Variants in PEX14 observed in about 807,000 individuals in gnomAD.
PEX14 encodes the protein peroxisomal membrane protein PEX14.
Under a neutral mutation model 49.5 loss-of-function variants are expected in PEX14, and 15 were observed. The ratio of observed to expected loss-of-function variants is 0.30; its 90% CI spans 0.20 to 0.47. The LOEUF (loss-of-function observed/expected upper bound fraction) is 0.47, where lower values mean the gene tolerates loss of function less well. Among genes scored for constraint, PEX14 ranks in the 20% least tolerant of loss-of-function variants. The probability of loss-of-function intolerance (pLI) is 1.00; values close to 1 mark genes in which losing one functional copy is unlikely to be tolerated. For synonymous variants in PEX14, 210 were observed against 212.7 expected (o/e 0.99, Z 0.11); for missense variants, 398 against 494.8 (o/e 0.80, Z 1.86).
chr1:10,481,118 TTTTTTTTTTTTCCTTTCCTTCC>T (rs1391518451), intron 1 of PEX14, among the ~76,000 whole-genome samples: 1 of 128,678 alleles, frequency 7.8e-6, no homozygotes, highest in Non-Finnish European at 1.6e-5. Context: ...CTCTTTAGTC[TTTTTTTTTTTTCCTTTCCTTCC>T]TTTTTTTTTT....
chr1:10,549,335 A>T (rs1225465624), intron 3 of PEX14, among the ~76,000 whole-genome samples: 2 of 152,268 alleles, frequency 1.3e-5, no homozygotes, highest in Non-Finnish European at 2.9e-5. Flanking sequence ...TTTATAAGTC[A>T]CACGCGGAAT....
At chr1:10,593,196 C>T (rs1231450943) in intron 3 of PEX14, among the ~76,000 whole-genome samples, 11 of 152,104 alleles carry the variant, frequency 7.2e-5, no homozygotes, top group Non-Finnish European at 1.5e-5. Context: ...TTATGGTTCA[C>T]TGGGATAAGG....
intron 3 of PEX14, among the ~76,000 whole-genome samples, chr1:10,560,121 G>A (rs1639611490): frequency 6.6e-6 from 1 of 151,590 alleles, no homozygotes; most frequent in Admixed American, 6.6e-5. Flanking sequence ...GCAATGGCAC[G>A]ATCTTGGCTC....
intron 3 of PEX14, among the ~76,000 whole-genome samples, chr1:10,581,588 G>C (rs947505957): frequency 5.3e-5 from 8 of 151,824 alleles, no homozygotes; most frequent in African/African-American, 1.9e-4. Flanking sequence ...ACAGGCGTGA[G>C]CCACCGTGCC....
intron 3 of PEX14, among the ~76,000 whole-genome samples, chr1:10,590,204 C>T (rs920089434): frequency 6.6e-6 from 1 of 152,118 alleles, no homozygotes; most frequent in Non-Finnish European, 1.5e-5. Flanking sequence ...CGTGAGCCTG[C>T]AAACAGAACC....
intron 2 of PEX14, among the ~76,000 whole-genome samples, chr1:10,532,402 G>C (rs1638675456): frequency 6.6e-6 from 1 of 152,064 alleles, no homozygotes; most frequent in South Asian, 2.1e-4. Context: ...CAGAGGGATG[G>C]GGGGCGGGGA....
At chr1:10,599,400 G>A (rs1570330105) in intron 4 of PEX14, 34 bp downstream of exon 4, 10 of 1,613,324 alleles carry the variant, frequency 6.2e-6, no homozygotes, top group Non-Finnish European at 7.6e-6. Flanking sequence ...GCTTAACCTT[G>A]ATTGGGATTC....
At chr1:10,585,117 T>C (rs979053855) in intron 3 of PEX14, among the ~76,000 whole-genome samples, 5 of 152,182 alleles carry the variant, frequency 3.3e-5, no homozygotes, top group African/African-American at 9.7e-5. Context: ...TCACCCTTAA[T>C]TGAGGATCTC....
At chr1:10,598,184 G>A (rs1197757287) in intron 3 of PEX14, among the ~76,000 whole-genome samples, 2 of 152,190 alleles carry the variant, frequency 1.3e-5, no homozygotes, top group East Asian at 1.9e-4. Context: ...AGGGCTGGCC[G>A]AGTGGTCTTT....
chr1:10,501,786 C>T (rs1641685690), intron 2 of PEX14, among the ~76,000 whole-genome samples: 3 of 152,048 alleles, frequency 2.0e-5, no homozygotes, highest in Non-Finnish European at 2.9e-5. Context: ...GATGTGGTGG[C>T]GAGTGCCTGT....
chr1:10,578,006 A>G (rs1640200918), intron 3 of PEX14, among the ~76,000 whole-genome samples: 3 of 151,960 alleles, frequency 2.0e-5, no homozygotes, highest in Admixed American at 6.6e-5. Flanking sequence ...TCCCCAATCC[A>G]TCAGGTGCTA....
rs1476707908 is a variant in PEX14, at chr1:10,597,201, C to A, written c.170-2037C>A. On this transcript the variant is annotated intron_variant, in intron 3 of 8. Coordinates refer to ENST00000356607, the MANE Select transcript of PEX14 (RefSeq NM_004565.3). The surrounding 1 kb of genome is among the most constrained non-coding windows in gnomAD (Gnocchi z 5.7). ...ATGCTCCTTTTGGGAAAATTATCTT[C>A]ATTTGCAGCCAGCGGCTGACAAGGC... Among the ~76,000 whole-genome samples the A allele has an allele frequency of 6.6e-6, 1 of 152,248 alleles. No homozygotes were observed. The highest frequency in any genetic ancestry group is 1.5e-5 in the Non-Finnish European group (1 of 68,050).
Position 10,507,792 on chromosome 1 carries a change from C to G in PEX14, c.84+12471C>G, listed in dbSNP as rs142169005. Among the ~76,000 whole-genome samples, 7 of 152,320 alleles carry G rather than the reference C, an allele frequency of 4.6e-5. No homozygotes were observed. The East Asian group carries it at 1.2e-3, about 25-fold the overall frequency. ...CCAGGATCTTTTATTTCTACTTTCT[C>G]TGCCCCCTCAGGTAAATCCTTTATC... On this transcript the variant is annotated intron_variant, in intron 2 of 8. Transcript: ENST00000356607.
chr1:10,549,321 C>T (rs187767829), intron 3 of PEX14, among the ~76,000 whole-genome samples: 49 of 152,300 alleles, frequency 3.2e-4, no homozygotes, highest in Admixed American at 1.9e-3. Context: ...ATACTCTCCC[C>T]AGCTTTATAA....
rs927988208 is a variant in PEX14 at position 10,514,579 on chromosome 1, C to T, written c.84+19258C>T. On this transcript the variant is annotated intron_variant, in intron 2 of 8. Transcript: ENST00000356607. The surrounding 1 kb of genome is among the most constrained non-coding windows in gnomAD (Gnocchi z 4.4). The stretch of plus-strand genomic sequence containing the variant: ...CAAGGGAAAGCCATTGGGGAATGCT[C>T]AGTTGGGATTGAACTAATAGGCCAT... Among the ~76,000 whole-genome samples, 1 of 152,246 alleles carries T rather than the reference C, an allele frequency of 6.6e-6. No homozygotes were observed. The highest frequency in any genetic ancestry group is 1.9e-4 in the East Asian group (1 of 5,178).
intron 1 of PEX14, among the ~76,000 whole-genome samples, chr1:10,479,483 A>G (rs1641248930): frequency 6.6e-6 from 1 of 152,194 alleles, no homozygotes; most frequent in South Asian, 2.1e-4. Flanking sequence ...TCTAGTGTGT[A>G]CACGTTGGAG....
At chr1:10,553,745 C>T (rs1488551497) in intron 3 of PEX14, among the ~76,000 whole-genome samples, 1 of 152,198 alleles carries the variant, frequency 6.6e-6, no homozygotes, top group Non-Finnish European at 1.5e-5. Flanking sequence ...AGCTCCTCTT[C>T]ACTCCTTTGT....
intron 2 of PEX14, among the ~76,000 whole-genome samples, chr1:10,504,535 G>C (rs189332420): frequency 6.6e-6 from 1 of 152,120 alleles, no homozygotes; most frequent in Non-Finnish European, 1.5e-5. Flanking sequence ...TGTGTGGGGC[G>C]GTGCTCTGGG....
At chr1:10,594,289 C>T (rs1462757793) in intron 3 of PEX14, among the ~76,000 whole-genome samples, 1 of 152,128 alleles carries the variant, frequency 6.6e-6, no homozygotes, top group African/African-American at 2.4e-5. Flanking sequence ...TGCCTCATCT[C>T]CTCCCAGAGT....
Sources: allele counts gnomAD v4.1 joint callset (sites outside exome capture counted in the v4.1 genomes callset), GRCh38; gene constraint gnomAD v4.1.1; non-coding constraint Gnocchi (gnomAD v3.1); transcripts MANE v1.5; gene names NCBI Gene and HGNC (gene_info 2026-07-23, HGNC 2026-07-21).